The following VAC14 variants were observed in gnomAD, a reference collection of about 807,000 sequenced individuals.
The protein encoded by VAC14 is protein VAC14 homolog.
A neutral mutation model predicts 85.3 loss-of-function variants in VAC14; 47 were observed. That is an observed-to-expected ratio of 0.55 (90% CI 0.44 to 0.70). VAC14 has a LOEUF of 0.70. VAC14 is among the 30% of genes least tolerant of loss of function. VAC14 has a pLI of 0.00. For missense variants in VAC14, 861 were observed against 1,004.3 expected (o/e 0.86, Z 1.93); for synonymous variants, 447 against 430.5 (o/e 1.04, Z -0.47).
intron 9 of VAC14, among the ~76,000 whole-genome samples, chr16:70,779,641 A>G (rs528844756): frequency 5.3e-5 from 8 of 152,096 alleles, no homozygotes; most frequent in Admixed American, 3.9e-4. Context: ...TAATAAATGG[A>G]ATTTAACTAG....
chr16:70,745,970 G>A (rs1297166834), intron 12 of VAC14, among the ~76,000 whole-genome samples: 1 of 152,206 alleles, frequency 6.6e-6, no homozygotes, highest in African/African-American at 2.4e-5. Flanking sequence ...AAAATGTTGT[G>A]GAATTAGATG....
In VAC14 at chr16:70,780,951, G is replaced by C; in HGVS notation, c.947-12C>G. The C allele has an allele frequency of 6.2e-7, 1 of 1,613,976 alleles. No individual in the cohort carries two copies. The highest frequency in any genetic ancestry group is 1.1e-5 in the South Asian group (1 of 91,034). On this transcript the variant is annotated splice_polypyrimidine_tract_variant and intron_variant, in intron 8 of 18. Transcript: ENST00000261776. ...CACTTCTTTGATGCCTGAGTCCACTGATGTAAGGAGCGTGATCTGATTTGG... is the reference window on the plus strand; with the variant it reads ...CACTTCTTTGATGCCTGAGTCCACTCATGTAAGGAGCGTGATCTGATTTGG...
intron 14 of VAC14, among the ~76,000 whole-genome samples, chr16:70,722,582 A>G (rs2054321746): frequency 6.6e-6 from 1 of 152,160 alleles, no homozygotes; most frequent in South Asian, 2.1e-4. Context: ...AACACGCTGA[A>G]AGGACACCGG....
chr16:70,759,335 T>C (rs531521291), intron 12 of VAC14, among the ~76,000 whole-genome samples: 6 of 152,284 alleles, frequency 3.9e-5, no homozygotes, highest in African/African-American at 1.4e-4. Context: ...TTTTTCAAAG[T>C]ACACATACCA....
chr16:70,765,997 G>A (rs746933318), intron 10 of VAC14, among the ~76,000 whole-genome samples: 30 of 151,962 alleles, frequency 2.0e-4, no homozygotes, highest in Non-Finnish European at 4.0e-4. Flanking sequence ...GCTGGGTGTG[G>A]TGGTACATTC....
At chr16:70,794,534 C>G (rs1244734294) in intron 1 of VAC14, among the ~76,000 whole-genome samples, 1 of 152,124 alleles carries the variant, frequency 6.6e-6, no homozygotes, top group African/African-American at 2.4e-5. Flanking sequence ...TGGGGGAAGC[C>G]AGGAGGTAAA....
chr16:70,746,200 T>A (rs2030876536), intron 12 of VAC14, among the ~76,000 whole-genome samples: 1 of 152,206 alleles, frequency 6.6e-6, no homozygotes, highest in South Asian at 2.1e-4. Context: ...GGGAACCCCT[T>A]TGCTTGCTCA....
chr16:70,758,995 G>A (rs1215733951), intron 12 of VAC14, among the ~76,000 whole-genome samples: 1 of 152,236 alleles, frequency 6.6e-6, no homozygotes, highest in Non-Finnish European at 1.5e-5. Context: ...AGACTAACGA[G>A]GTGTCACTCG....
chr16:70,693,579 G>A (rs1219938033), intron 17 of VAC14, among the ~76,000 whole-genome samples: 4 of 152,156 alleles, frequency 2.6e-5, no homozygotes, highest in South Asian at 2.1e-4. Flanking sequence ...CCACCCTGGC[G>A]GGGGAAAGAG....
At chr16:70,759,971 GAAGT>G (rs1468184814) in intron 12 of VAC14, among the ~76,000 whole-genome samples, 1 of 152,174 alleles carries the variant, frequency 6.6e-6, no homozygotes, top group African/African-American at 2.4e-5. Context: ...ATGCAAAATG[GAAGT>G]AAGACGACTC....
chr16:70,736,170 G>A (rs2054745160), intron 13 of VAC14, among the ~76,000 whole-genome samples: 1 of 152,198 alleles, frequency 6.6e-6, no homozygotes, highest in African/African-American at 2.4e-5. Flanking sequence ...CACTGAGCAT[G>A]GTGTTTAAGC....
intron 18 of VAC14, chr16:70,691,439 G>C (rs924529163): frequency 2.9e-5 from 29 of 985,318 alleles, no homozygotes; most frequent in Admixed American, 2.5e-4. Flanking sequence ...GGCTGGGCCA[G>C]CAAGGCCCGG....
chr16:70,724,003 T>C (rs16970455), intron 14 of VAC14, among the ~76,000 whole-genome samples: 29,340 of 152,028 alleles, frequency 0.19, 3,525 homozygotes, highest in East Asian at 0.32. Flanking sequence ...TGGCCACCTC[T>C]TGCCAAGTTC....
intron 14 of VAC14, among the ~76,000 whole-genome samples, chr16:70,720,022 G>C (rs914840439): frequency 3.9e-5 from 6 of 152,182 alleles, no homozygotes; most frequent in Non-Finnish European, 7.3e-5. Flanking sequence ...GTGAACTACT[G>C]TGACATCCAA....
intron 17 of VAC14, among the ~76,000 whole-genome samples, chr16:70,694,431 C>G (rs921741807): frequency 2.6e-5 from 4 of 152,204 alleles, no homozygotes; most frequent in Admixed American, 1.3e-4. Context: ...GGGTCTCCCC[C>G]CTGCTCTTCT....
intron 14 of VAC14, among the ~76,000 whole-genome samples, chr16:70,720,928 C>T (rs912363378): frequency 2.0e-5 from 3 of 150,928 alleles, no homozygotes; most frequent in Non-Finnish European, 4.4e-5. Context: ...TCAAAACAGA[C>T]TGGTGGAGGA....
chr16:70,764,802 C>T (rs1243469164), intron 10 of VAC14, among the ~76,000 whole-genome samples: 3 of 152,206 alleles, frequency 2.0e-5, no homozygotes, highest in East Asian at 1.9e-4. Context: ...TCAGTAGCCA[C>T]GTGGCTGCCG....
At chr16:70,743,160 A>G (rs1326197822) in intron 13 of VAC14, among the ~76,000 whole-genome samples, 2 of 152,016 alleles carry the variant, frequency 1.3e-5, no homozygotes, top group Non-Finnish European at 2.9e-5. Flanking sequence ...CTCTGTAAAA[A>G]CGCACCAATC....
In VAC14 at chr16:70,762,616, G is replaced by C. The variant is rs369282294; in HGVS notation, c.1306-11C>G. 1.2e-6 allele frequency: 2 copies of C among 1,613,908 alleles called. No homozygotes were observed. Among genetic ancestry groups the C allele is most frequent in the Non-Finnish European group, 1.7e-6 (2 of 1,179,882 alleles). On this transcript the variant is annotated splice_polypyrimidine_tract_variant and intron_variant, in intron 11 of 18. Coordinates refer to ENST00000261776, the MANE Select transcript of VAC14 (RefSeq NM_018052.5). This position sits in a 1 kb window ranked among gnomAD's most constrained non-coding sequence, Gnocchi z 4.1. ...CGTGTGCCGGAACATCTGGAGGGCA[G>C]AGAAGCAGGGGTGCCCGTGAGTGCT... is the stretch of plus-strand genomic sequence containing the variant.
Sources: allele counts gnomAD v4.1 joint callset (sites outside exome capture counted in the v4.1 genomes callset), GRCh38; gene constraint gnomAD v4.1.1; non-coding constraint Gnocchi (gnomAD v3.1); transcripts MANE v1.5; gene names NCBI Gene and HGNC (gene_info 2026-07-23, HGNC 2026-07-21).